The following DIS3L2 variants were observed in gnomAD, a reference collection of about 807,000 sequenced individuals.
DIS3L2 encodes the protein DIS3 like 3'-5' exoribonuclease 2, also known as DIS3-like exonuclease 2.
Under a neutral mutation model 97.5 loss-of-function variants are expected in DIS3L2, and 34 were observed. The observed-to-expected ratio is 0.35, with a 90% CI of 0.27 to 0.46. DIS3L2 has a LOEUF of 0.46. Among genes scored for constraint, DIS3L2 ranks in the 20% least tolerant of loss-of-function variants. The pLI is 1.00. For synonymous variants in DIS3L2, 435 were observed against 445.2 expected (o/e 0.98, Z 0.29); for missense variants, 1,038 against 1,146.0 (o/e 0.91, Z 1.36).
chr2:232,270,925 C>A (rs1693992544), intron 13 of DIS3L2, among the ~76,000 whole-genome samples: 1 of 148,364 alleles, frequency 6.7e-6, no homozygotes, highest in African/African-American at 2.5e-5. Context: ...TGTCTCGTCT[C>A]TCTCTCTCTC....
chr2:232,240,316 A>G (rs892582559), intron 11 of DIS3L2, among the ~76,000 whole-genome samples: 1 of 152,226 alleles, frequency 6.6e-6, no homozygotes, highest in African/African-American at 2.4e-5. Flanking sequence ...CATTCACATT[A>G]GGTGATCAGA....
chr2:232,008,946 CT>C (rs1258181055), intron 1 of DIS3L2, among the ~76,000 whole-genome samples: 13 of 152,206 alleles, frequency 8.5e-5, no homozygotes, highest in African/African-American at 2.7e-4. Flanking sequence ...GTTAATTCAT[CT>C]ACCTTCAAAT....
At chr2:232,217,296 G>A (rs1343660705) in intron 10 of DIS3L2, among the ~76,000 whole-genome samples, 1 of 152,104 alleles carries the variant, frequency 6.6e-6, no homozygotes. Context: ...AGTCTGAGTG[G>A]GAAAAAACAA....
chr2:232,333,126 C>T (rs1003680095), intron 16 of DIS3L2, among the ~76,000 whole-genome samples: 3 of 150,162 alleles, frequency 2.0e-5, no homozygotes, highest in Admixed American at 6.7e-5. Flanking sequence ...CCTCCTCGAC[C>T]ACCACCACCT....
intron 5 of DIS3L2, among the ~76,000 whole-genome samples, chr2:232,055,017 C>G (rs1387234722): frequency 2.0e-5 from 3 of 152,134 alleles, no homozygotes; most frequent in Admixed American, 1.3e-4. Context: ...TATGGTTACT[C>G]TAGTTTCTGT....
intron 6 of DIS3L2, among the ~76,000 whole-genome samples, chr2:232,101,189 T>C (rs1338028705): frequency 1.3e-5 from 2 of 149,298 alleles, no homozygotes; most frequent in Admixed American, 6.7e-5. Flanking sequence ...CCAAGATTCA[T>C]ACCACTGCAC....
At chr2:232,078,739 G>A (rs975537137) in intron 5 of DIS3L2, among the ~76,000 whole-genome samples, 1 of 152,206 alleles carries the variant, frequency 6.6e-6, no homozygotes. Flanking sequence ...TGAGCAGATA[G>A]TCTTAACAGA....
chr2:232,196,537 G>A (rs570418337), intron 9 of DIS3L2, among the ~76,000 whole-genome samples: 1 of 152,188 alleles, frequency 6.6e-6, no homozygotes, highest in South Asian at 2.1e-4. Flanking sequence ...TTTGCCTCCA[G>A]GGGGAATATT....
chr2:232,204,971 G>A (rs1307123218), intron 9 of DIS3L2, among the ~76,000 whole-genome samples: 1 of 151,956 alleles, frequency 6.6e-6, no homozygotes, highest in African/African-American at 2.4e-5. Context: ...CCGTTCCTTT[G>A]CTTCTCCCAA....
chr2:232,298,422 T>C (rs573420596), intron 13 of DIS3L2, among the ~76,000 whole-genome samples: 45 of 152,318 alleles, frequency 3.0e-4, no homozygotes, highest in African/African-American at 8.7e-4. Context: ...GGGTTGTAAC[T>C]AATAGATGCT....
At chr2:232,054,567 T>C (rs1004350361) in intron 5 of DIS3L2, among the ~76,000 whole-genome samples, 2 of 152,160 alleles carry the variant, frequency 1.3e-5, no homozygotes, top group African/African-American at 2.4e-5. Flanking sequence ...TAAAGTATGA[T>C]TTTTGTCATA....
At chr2:232,220,540 C>T (rs1159036651) in intron 10 of DIS3L2, among the ~76,000 whole-genome samples, 1 of 151,934 alleles carries the variant, frequency 6.6e-6, no homozygotes, top group Admixed American at 6.6e-5. Context: ...AACCCCATGT[C>T]TACTAAAAAT....
intron 14 of DIS3L2, among the ~76,000 whole-genome samples, chr2:232,300,627 C>T (rs1352438152): frequency 1.3e-5 from 2 of 151,084 alleles, no homozygotes; most frequent in African/African-American, 4.9e-5. Context: ...TTCATAGCAC[C>T]TCCTTTCCAC....
At chr2:232,287,054 G>C (rs544179019) in intron 13 of DIS3L2, among the ~76,000 whole-genome samples, 1 of 152,288 alleles carries the variant, frequency 6.6e-6, no homozygotes, top group South Asian at 2.1e-4. Context: ...AACTCTGTCT[G>C]ACAGGCAGAA....
chr2:232,291,366 A>G (rs1435455606), intron 13 of DIS3L2, among the ~76,000 whole-genome samples: 1 of 152,274 alleles, frequency 6.6e-6, no homozygotes, highest in African/African-American at 2.4e-5. Flanking sequence ...TGCAGGTAGA[A>G]GTAACTTTTC....
chr2:232,067,436 G>T (rs988480788), intron 5 of DIS3L2, among the ~76,000 whole-genome samples: 7 of 151,956 alleles, frequency 4.6e-5, no homozygotes, highest in Admixed American at 2.0e-4. Context: ...AAATACTTAG[G>T]AACTTTTCTA....
chr2:232,212,033 T>C (rs1289185374), intron 10 of DIS3L2, among the ~76,000 whole-genome samples: 2 of 152,088 alleles, frequency 1.3e-5, no homozygotes. Flanking sequence ...CTCAATATTT[T>C]CAACTAAAGA....
chr2:232,280,795 G>A (rs1694262255), intron 13 of DIS3L2, among the ~76,000 whole-genome samples: 1 of 152,154 alleles, frequency 6.6e-6, no homozygotes, highest in African/African-American at 2.4e-5. Flanking sequence ...ATGATAATTG[G>A]CACTGTATCA....
At chr2:232,021,602 A>G (rs532479417) in intron 3 of DIS3L2, among the ~76,000 whole-genome samples, 17 of 151,982 alleles carry the variant, frequency 1.1e-4, no homozygotes, top group Non-Finnish European at 2.4e-4. Flanking sequence ...CCAAAAATAT[A>G]TATAGTAGTG....
Sources: gnomAD v4.1 joint callset for allele counts (sites outside exome capture counted in the v4.1 genomes callset) on GRCh38, gnomAD v4.1.1 for gene constraint, MANE v1.5 for transcripts, NCBI Gene and HGNC (gene_info 2026-07-23, HGNC 2026-07-21) for gene names.